Variants in RO60 observed in about 807,000 individuals in gnomAD.
The protein encoded by RO60 is RNA-binding protein RO60.
A neutral mutation model predicts 55.3 loss-of-function variants in RO60; 20 were observed. That is an observed-to-expected ratio of 0.36 (90% confidence interval 0.25 to 0.53). RO60 has a LOEUF of 0.53. Ranked by LOEUF, RO60 falls within the 20% of genes least tolerant of loss-of-function variation. The pLI, the probability that RO60 is intolerant of heterozygous loss-of-function variation, is 0.92. For synonymous variants in RO60, 213 were observed against 213.6 expected (o/e 1.00, Z 0.02); for missense variants, 558 against 646.6 (o/e 0.86, Z 1.49).
Position 193,069,691 on chromosome 1 carries a change from C to T in RO60, c.580+57C>T, listed in dbSNP as rs980508231. 2.9e-6 allele frequency: 4 copies of T among 1,358,816 alleles called. No homozygotes were observed. In the Admixed American group the frequency reaches 9.3e-5, roughly 31 times the overall value. 84.2% of individuals were successfully genotyped at this position (1,358,816 alleles called of 1,614,324 possible). ...TGGGTAAGGGATATTCAATAAATAG[C>T]AAATTTTTATTTAACATAAGACAAG... On this transcript the variant is annotated intron_variant, in intron 2 of 8. Coordinates refer to ENST00000400968, the MANE Select transcript of RO60 (RefSeq NM_001173524.2).
chr1:193,086,006 ATT>A lies in RO60; in HGVS notation c.*1276_*1277del, dbSNP rs1407032831. On this transcript the variant is annotated 3_prime_UTR_variant, in exon 9 of 9. Transcript: ENST00000400968. ...TGCCATTATCTTTGCTCATAATTTT[ATT>A]ATGGCCGTCTAAGGTAGCTTACACA... The A allele has an allele frequency of 8.1e-6, 8 of 985,224 alleles. No individual in the cohort carries two copies. Among genetic ancestry groups the A allele is most frequent in the Non-Finnish European group, 9.6e-6 (8 of 829,870 alleles). The allele number at this position is 985,224 out of a possible 1,614,324, so 61.0% of individuals were successfully genotyped here. A position where few individuals can be genotyped will look rare whatever the true frequency, so the allele number is the denominator to read the frequency against.
intron 2 of RO60, among the ~76,000 whole-genome samples, chr1:193,071,263 T>C (rs752548570): frequency 6.6e-6 from 1 of 152,218 alleles, no homozygotes; most frequent in Non-Finnish European, 1.5e-5. Context: ...CGGACTGGTA[T>C]CCGTGTATAG....
At chr1:193,069,858 T>A (rs903018835) in intron 2 of RO60, among the ~76,000 whole-genome samples, 3 of 152,230 alleles carry the variant, frequency 2.0e-5, no homozygotes, top group African/African-American at 7.2e-5. Flanking sequence ...GTTTATAGGT[T>A]AATATTCTGA....
At chr1:193,079,033 A>G (rs1175996564) in intron 5 of RO60, among the ~76,000 whole-genome samples, 2 of 151,424 alleles carry the variant, frequency 1.3e-5, no homozygotes, top group Admixed American at 1.3e-4. Flanking sequence ...ATATAGACCA[A>G]TGAAATAGAA....
rs1306757758 is a variant in RO60 at position 193,069,520 on chromosome 1, T to A, written c.466T>A (p.Tyr156Asn). ...CCTCCGGAAGGCTATAGCGGACTGGTACAATGAGAAAGGTGGCATGGCCCT... is the reference window on the plus strand; with the variant it reads ...CCTCCGGAAGGCTATAGCGGACTGGAACAATGAGAAAGGTGGCATGGCCCT... ...RALRKAIADW[Y>N]NEKGGMALAL... The change falls in exon 2 of 9, where the codon TAC (tyrosine) becomes AAC (asparagine). Residue 156 changes from tyrosine to asparagine, a missense_variant. Physicochemically the swap from Tyr to Asn is moderately radical, Grantham distance 143 (BLOSUM62 -2). Coordinates refer to ENST00000400968, the MANE Select transcript of RO60 (RefSeq NM_001173524.2). 6.2e-7 allele frequency: 1 copy of A among 1,614,032 alleles called. No individual in the cohort carries two copies. Among genetic ancestry groups the A allele is most frequent in the Non-Finnish European group, 8.5e-7 (1 of 1,180,036 alleles).
rs368189294 is a variant in RO60, at chr1:193,081,313, C to A, written c.1087-51C>A. On this transcript the variant is annotated intron_variant, in intron 5 of 8. Coordinates refer to ENST00000400968, the MANE Select transcript of RO60 (RefSeq NM_001173524.2). The stretch of plus-strand genomic sequence containing the variant: ...AGTAAATATGATTTAGAAATTTAGT[C>A]TACTTATAATTTCTGTTATGCTTTT... 6 of 1,021,388 alleles carry A rather than the reference C, an allele frequency of 5.9e-6. No individual in the cohort carries two copies. In the African/African-American group the frequency reaches 6.3e-5, roughly 11 times the overall value. 63.3% of individuals were successfully genotyped at this position (1,021,388 alleles called of 1,614,324 possible).
chr1:193,073,912 G>A (rs1173450084), intron 2 of RO60, among the ~76,000 whole-genome samples: 4 of 96,810 alleles, frequency 4.1e-5, no homozygotes, highest in East Asian at 3.2e-4. Context: ...AACAGGCCCT[G>A]GTGTGTGATG....
intron 8 of RO60, 43 bp downstream of exon 8, chr1:193,082,751 T>A: frequency 1.3e-6 from 2 of 1,512,866 alleles, no homozygotes; most frequent in Non-Finnish European, 1.8e-6. Flanking sequence ...AATAATATTA[T>A]TTTAATACTT....
chr1:193,082,110 C>G, intron 6 of RO60, 76 bp from the exon 7 acceptor site: 1 of 885,824 alleles, frequency 1.1e-6, no homozygotes, highest in Non-Finnish European at 1.9e-6. Context: ...TTCTTTTAAA[C>G]ATGAAGTTGG....
At chr1:193,072,190 G>A (rs565996139) in intron 2 of RO60, among the ~76,000 whole-genome samples, 1 of 152,114 alleles carries the variant, frequency 6.6e-6, no homozygotes, top group African/African-American at 2.4e-5. Context: ...TTTTAGTAGA[G>A]GCAGGGTTTC....
chr1:193,063,942 A>G (rs561914076), intron 1 of RO60, among the ~76,000 whole-genome samples: 1 of 152,260 alleles, frequency 6.6e-6, no homozygotes, highest in Non-Finnish European at 1.5e-5. Flanking sequence ...AAGTAGACAC[A>G]TATGGCAAGG....
intron 1 of RO60, among the ~76,000 whole-genome samples, chr1:193,065,461 A>C (rs1196986835): frequency 2.6e-5 from 4 of 152,180 alleles, no homozygotes; most frequent in Non-Finnish European, 5.9e-5. Flanking sequence ...TCATCTAACA[A>C]ATAAAACTAA....
At position 193,084,604 on chromosome 1, in the gene RO60, TTG is replaced by T. The variant is rs1187380452; in HGVS notation, c.1492_1493del (p.Val498LeufsTer15). 3.7e-6 allele frequency: 6 copies of T among 1,613,050 alleles called. No homozygotes were observed. Among genetic ancestry groups the T allele is most frequent in the Non-Finnish European group, 5.1e-6 (6 of 1,179,666 alleles). On this transcript the variant is annotated frameshift_variant, in exon 9 of 9. Transcript: ENST00000400968. LOFTEE classifies it high-confidence loss of function. The stretch of plus-strand genomic sequence containing the variant: ...AAAATGGATATTCCAGCTAAATTGA[TTG>T]TTTGTGGAATGACATCAAATGGTTT...
rs1404864848 is a variant in RO60, at chr1:193,085,435, ATTTGG to A, written c.*709_*713del. On this transcript the variant is annotated 3_prime_UTR_variant, in exon 9 of 9. Coordinates refer to ENST00000400968, the MANE Select transcript of RO60 (RefSeq NM_001173524.2). ...AAGTTTGTGTTGGCTGAGGGATTCT[ATTTGG>A]TTTGCTTTTTTTTTTTTGCTTTGTT... is the stretch of plus-strand genomic sequence containing the variant. 2.0e-5 allele frequency: 20 copies of A among 982,760 alleles called. No homozygotes were observed. Among genetic ancestry groups the A allele is most frequent in the Non-Finnish European group, 2.4e-5 (20 of 829,596 alleles). The allele number at this position is 982,760 out of a possible 1,614,324, so 60.9% of individuals were successfully genotyped here. A position where few individuals can be genotyped will look rare whatever the true frequency, so the allele number is the denominator to read the frequency against.
At position 193,087,905 on chromosome 1, in the gene RO60, T is replaced by TAG. The variant is rs1674685306; in HGVS notation, c.*3175_*3176insGA. On this transcript the variant is annotated 3_prime_UTR_variant, in exon 9 of 9. Transcript: ENST00000400968. ...AGAAGAAAAATTTTCACAGCTAAAG[T>TAG]ATTACCCAAAAAGTCACTATTCTCT... is the stretch of plus-strand genomic sequence containing the variant. 1 of 152,022 alleles carries TAG rather than the reference T, an allele frequency of 6.6e-6. No individual in the cohort carries two copies. The highest frequency in any genetic ancestry group is 1.5e-5 in the Non-Finnish European group (1 of 68,006). The allele number at this position is 152,022 out of a possible 1,614,324, so 9.4% of individuals were successfully genotyped here.
Position 193,082,167 on chromosome 1 carries a change from C to T in RO60, c.1204-19C>T. ...TTCCCCCCAAATTTGCTGAAAATTA[C>T]TGCCATTGAATTTTTCAGGTTGTCA... is the stretch of plus-strand genomic sequence containing the variant. On this transcript the variant is annotated intron_variant, in intron 6 of 8. Coordinates refer to ENST00000400968, the MANE Select transcript of RO60 (RefSeq NM_001173524.2). The T allele has an allele frequency of 1.3e-6, 2 of 1,516,878 alleles. No individual in the cohort carries two copies. Among genetic ancestry groups the T allele is most frequent in the Non-Finnish European group, 1.8e-6 (2 of 1,095,812 alleles). The allele number at this position is 1,516,878 out of a possible 1,614,324, so 94.0% of individuals were successfully genotyped here. A position where few individuals can be genotyped will look rare whatever the true frequency, so the allele number is the denominator to read the frequency against.
intron 1 of RO60, chr1:193,060,397 G>T (rs1672487100): frequency 4.2e-6 from 1 of 237,388 alleles, no homozygotes; most frequent in Non-Finnish European, 8.5e-6. Context: ...CATTCAGCAG[G>T]CTCTTATAGA....
intron 1 of RO60, among the ~76,000 whole-genome samples, chr1:193,062,683 C>A (rs980883826): frequency 6.6e-6 from 1 of 152,136 alleles, no homozygotes; most frequent in Non-Finnish European, 1.5e-5. Context: ...TCCCAGTGTT[C>A]CCCCACTCCG....
chr1:193,067,904 C>T (rs192331929), intron 1 of RO60, among the ~76,000 whole-genome samples: 94 of 152,156 alleles, frequency 6.2e-4, no homozygotes, highest in African/African-American at 2.1e-3. Context: ...TCAGGTAACC[C>T]GATATCAAGG....
Sources: allele counts gnomAD v4.1 joint callset (sites outside exome capture counted in the v4.1 genomes callset), GRCh38; gene constraint gnomAD v4.1.1; transcripts MANE v1.5; gene names NCBI Gene and HGNC (gene_info 2026-07-23, HGNC 2026-07-21).